The following LRMDA variants were observed in gnomAD, a reference collection of about 807,000 sequenced individuals.
LRMDA encodes leucine-rich melanocyte differentiation-associated protein.
In LRMDA, 18 loss-of-function variants were observed where a neutral mutation model predicts 29.8. That is an observed-to-expected ratio of 0.60 (90% confidence interval 0.42 to 0.90). The LOEUF is 0.90. Ranked by LOEUF, LRMDA falls within the 40% of genes least tolerant of loss-of-function variation. The pLI, the probability that LRMDA is intolerant of heterozygous loss-of-function variation, is 0.00. For missense variants in LRMDA, 273 were observed against 273.9 expected, an observed-to-expected ratio of 1.00 and a Z score of 0.02; for synonymous variants, 125 against 109.4, an observed-to-expected ratio of 1.14 and a Z score of -0.89.
intron 2 of LRMDA, among the ~76,000 whole-genome samples, chr10:75,800,327 T>G (rs1266415162): frequency 6.6e-6 from 1 of 152,190 alleles, no homozygotes; most frequent in Non-Finnish European, 1.5e-5. Flanking sequence ...AGCATATATA[T>G]ATATTTTATC....
At chr10:75,468,016 G>T (rs1436455475) in intron 2 of LRMDA, among the ~76,000 whole-genome samples, 1 of 144,302 alleles carries the variant, frequency 6.9e-6, no homozygotes, top group East Asian at 2.0e-4. Flanking sequence ...GCAAAGTATT[G>T]CTCAGTCATA....
At chr10:76,520,205 T>C (rs1589223309) in intron 6 of LRMDA, among the ~76,000 whole-genome samples, 1 of 152,182 alleles carries the variant, frequency 6.6e-6, no homozygotes, top group East Asian at 1.9e-4. Context: ...TCATAGTATA[T>C]ATTATTTTGT....
intron 5 of LRMDA, among the ~76,000 whole-genome samples, chr10:76,136,872 T>C (rs1170804520): frequency 6.6e-6 from 1 of 152,166 alleles, no homozygotes; most frequent in Non-Finnish European, 1.5e-5. Context: ...AGCACGTCCA[T>C]GTGGGTAATG....
chr10:76,160,829 C>T (rs911971156), intron 5 of LRMDA, among the ~76,000 whole-genome samples: 1 of 152,050 alleles, frequency 6.6e-6, no homozygotes, highest in South Asian at 2.1e-4. Context: ...AAGTTTCGTA[C>T]AAAGAGTAAT....
At chr10:76,328,728 G>A (rs911727907) in intron 6 of LRMDA, among the ~76,000 whole-genome samples, 1 of 152,192 alleles carries the variant, frequency 6.6e-6, no homozygotes, top group Non-Finnish European at 1.5e-5. Flanking sequence ...GCCTGCCTCT[G>A]TCAAAAGAAT....
At chr10:76,321,024 T>C (rs867027426) in intron 5 of LRMDA, among the ~76,000 whole-genome samples, 41 of 152,282 alleles carry the variant, frequency 2.7e-4, no homozygotes, top group Middle Eastern at 3.4e-3. Flanking sequence ...CAGGTTTTTT[T>C]CTCTTAAATA....
chr10:75,580,210 A>C (rs1478286094), intron 2 of LRMDA, among the ~76,000 whole-genome samples: 9 of 152,198 alleles, frequency 5.9e-5, no homozygotes, highest in East Asian at 1.9e-4. Flanking sequence ...AGCTGATAAA[A>C]AACTTCAGCA....
intron 2 of LRMDA, among the ~76,000 whole-genome samples, chr10:75,684,353 A>C (rs139303425): frequency 6.6e-6 from 1 of 152,270 alleles, no homozygotes; most frequent in African/African-American, 2.4e-5. Context: ...TCTTTCACGC[A>C]CACTCCCCTT....
intron 2 of LRMDA, among the ~76,000 whole-genome samples, chr10:75,557,104 A>G (rs1019772287): frequency 6.6e-6 from 1 of 152,084 alleles, no homozygotes; most frequent in African/African-American, 2.4e-5. Flanking sequence ...ACCTGAGGTC[A>G]GGAGTTCGAG....
At chr10:76,393,483 A>G (rs1202323665) in intron 6 of LRMDA, among the ~76,000 whole-genome samples, 1 of 152,058 alleles carries the variant, frequency 6.6e-6, no homozygotes, top group Non-Finnish European at 1.5e-5. Flanking sequence ...ATGTCTGTTC[A>G]GGTCCTTTGC....
chr10:75,783,099 C>A, intron 2 of LRMDA: 1 of 1,554,312 alleles, frequency 6.4e-7, no homozygotes, highest in Non-Finnish European at 8.9e-7. Flanking sequence ...ATGATGAAGG[C>A]TGGCTGTCAG....
At chr10:76,064,834 C>T (rs1351339379) in intron 5 of LRMDA, among the ~76,000 whole-genome samples, 4 of 152,182 alleles carry the variant, frequency 2.6e-5, no homozygotes, top group African/African-American at 9.7e-5. Flanking sequence ...TTTGAAAGTT[C>T]TCCACAGTGC....
chr10:76,386,091 A>C (rs1245065960), intron 6 of LRMDA, among the ~76,000 whole-genome samples: 1 of 152,164 alleles, frequency 6.6e-6, no homozygotes, highest in African/African-American at 2.4e-5. Context: ...GTAATATAAA[A>C]ATTATTTTGA....
chr10:76,199,074 G>C (rs1403694867), intron 5 of LRMDA, among the ~76,000 whole-genome samples: 1 of 152,072 alleles, frequency 6.6e-6, no homozygotes, highest in Non-Finnish European at 1.5e-5. Flanking sequence ...TAAGGTATAG[G>C]GTATGGGATG....
rs1847774509 is a variant in LRMDA, at chr10:76,011,331, C to T, written c.132-24677C>T. Among the ~76,000 whole-genome samples the T allele has an allele frequency of 2.6e-5, 4 of 152,172 alleles. No individual in the cohort carries two copies. In the South Asian group the frequency reaches 8.3e-4, roughly 32 times the overall value. Reference sequence around the variant, plus strand: ...TGGCTATAGCCACTGGTGTAGTCCACCCAGAAGAATGAGGAGAGGGGCCAC... The same window carrying T: ...TGGCTATAGCCACTGGTGTAGTCCATCCAGAAGAATGAGGAGAGGGGCCAC... On this transcript the variant is annotated intron_variant, in intron 2 of 6. Coordinates refer to ENST00000611255, the MANE Select transcript of LRMDA (RefSeq NM_001305581.2).
chr10:75,995,985 A>G (rs953212559), intron 2 of LRMDA, among the ~76,000 whole-genome samples: 4 of 152,222 alleles, frequency 2.6e-5, no homozygotes, highest in African/African-American at 9.6e-5. Context: ...AGACTCAATG[A>G]ATGTGCTTTG....
At chr10:75,731,715 T>G (rs1589175776) in intron 2 of LRMDA, among the ~76,000 whole-genome samples, 1 of 152,218 alleles carries the variant, frequency 6.6e-6, no homozygotes, top group East Asian at 1.9e-4. Context: ...ACACGTTGGT[T>G]TCTTCAACTC....
intron 5 of LRMDA, among the ~76,000 whole-genome samples, chr10:76,119,162 T>C (rs1849724317): frequency 6.6e-6 from 1 of 152,116 alleles, no homozygotes; most frequent in Non-Finnish European, 1.5e-5. Context: ...TTGACATTTC[T>C]TGTAAAAGAG....
At chr10:75,790,037 C>G (rs1034563678) in intron 2 of LRMDA, among the ~76,000 whole-genome samples, 1 of 151,960 alleles carries the variant, frequency 6.6e-6, no homozygotes, top group South Asian at 2.1e-4. Flanking sequence ...TATATCTTTG[C>G]TCACTTAAAG....
Sources: allele counts gnomAD v4.1 joint callset (sites outside exome capture counted in the v4.1 genomes callset), GRCh38; gene constraint gnomAD v4.1.1; transcripts MANE v1.5; gene names NCBI Gene and HGNC (gene_info 2026-07-23, HGNC 2026-07-21).